Variants in PARVA observed in about 807,000 individuals in gnomAD.
PARVA encodes the protein alpha-parvin.
In PARVA, 25 loss-of-function variants were observed where a neutral mutation model predicts 52.6. That is an observed-to-expected ratio of 0.48 (90% confidence interval 0.35 to 0.66). The LOEUF (loss-of-function observed/expected upper bound fraction) is 0.66. PARVA is among the 30% of genes least tolerant of loss of function. PARVA has a pLI of 0.01. For synonymous variants in PARVA, 185 were observed against 179.1 expected (o/e 1.03, Z -0.26); for missense variants, 373 against 450.9 (o/e 0.83, Z 1.56).
At chr11:12,518,681 C>A (rs1217121483) in intron 12 of PARVA, among the ~76,000 whole-genome samples, 164 bp downstream of exon 12, 1 of 152,172 alleles carries the variant, frequency 6.6e-6, no homozygotes, top group Non-Finnish European at 1.5e-5. Flanking sequence ...TGTGAGCTGC[C>A]AGCTGCACAG....
chr11:12,480,860 T>C (rs1941077349), intron 4 of PARVA: 1 of 150,202 alleles, frequency 6.7e-6, no homozygotes, highest in Non-Finnish European at 1.5e-5. Context: ...GAGGGATCAG[T>C]CTGGAAGCAG....
chr11:12,445,407 C>T (rs1463201047), intron 1 of PARVA, among the ~76,000 whole-genome samples: 1 of 152,132 alleles, frequency 6.6e-6, no homozygotes, highest in African/African-American at 2.4e-5. Flanking sequence ...GCAGGGGAAT[C>T]AGGACATAAA....
chr11:12,470,235 G>A (rs1940915112), intron 1 of PARVA, among the ~76,000 whole-genome samples: 1 of 152,226 alleles, frequency 6.6e-6, no homozygotes, highest in South Asian at 2.1e-4. Flanking sequence ...GGTCTTGACA[G>A]TTTGGATTAT....
intron 1 of PARVA, among the ~76,000 whole-genome samples, chr11:12,417,651 C>G (rs1042678924): frequency 6.6e-6 from 1 of 152,014 alleles, no homozygotes; most frequent in Admixed American, 6.6e-5. Flanking sequence ...CTGAAAAATG[C>G]AAGAGGATTT....
intron 8 of PARVA, among the ~76,000 whole-genome samples, chr11:12,512,762 G>A (rs1395227558): frequency 6.6e-6 from 1 of 152,084 alleles, no homozygotes; most frequent in Non-Finnish European, 1.5e-5. Context: ...ACATTTTATA[G>A]AAGAGGAAAC....
At chr11:12,453,536 C>T (rs1940652995) in intron 1 of PARVA, among the ~76,000 whole-genome samples, 1 of 152,092 alleles carries the variant, frequency 6.6e-6, no homozygotes, top group Admixed American at 6.5e-5. Flanking sequence ...ACTGTAAGAG[C>T]TCCTAATCAG....
chr11:12,484,102 T>G (rs1245992512), intron 4 of PARVA, among the ~76,000 whole-genome samples: 1 of 152,240 alleles, frequency 6.6e-6, no homozygotes, highest in African/African-American at 2.4e-5. Flanking sequence ...TATACAGGTA[T>G]GTCCATGGTC....
chr11:12,391,834 T>C (rs749895357), intron 1 of PARVA, among the ~76,000 whole-genome samples: 4 of 152,192 alleles, frequency 2.6e-5, no homozygotes, highest in East Asian at 1.9e-4. Flanking sequence ...GTCTGATCCA[T>C]TGGGAGGAGT....
At chr11:12,399,479 C>T (rs572879257) in intron 1 of PARVA, among the ~76,000 whole-genome samples, 2 of 152,256 alleles carry the variant, frequency 1.3e-5, no homozygotes, top group African/African-American at 4.8e-5. Flanking sequence ...CCATGGTACA[C>T]CCTCCTGAAT....
upstream of PARVA, chr11:12,377,458 A>C (rs1293003632): frequency 7.1e-7 from 1 of 1,402,686 alleles, no homozygotes; most frequent in Non-Finnish European, 9.2e-7. Flanking sequence ...CTTCCAGGGC[A>C]GAGGGCGGCG....
intron 5 of PARVA, 120 bp from the exon 6 acceptor site, chr11:12,504,194 T>C: frequency 1.6e-6 from 1 of 642,986 alleles, no homozygotes; most frequent in Non-Finnish European, 2.8e-6. Flanking sequence ...AGCATGAGAT[T>C]TGGGCAGGGA....
chr11:12,518,596 AG>A, intron 12 of PARVA, 79 bp downstream of exon 12: 1 of 1,054,024 alleles, frequency 9.5e-7, no homozygotes, highest in Non-Finnish European at 1.5e-6. Flanking sequence ...TTTGTAGCAG[AG>A]GGAAGCATTT....
chr11:12,511,264 G>A (rs1589986475), intron 7 of PARVA, among the ~76,000 whole-genome samples: 1 of 152,174 alleles, frequency 6.6e-6, no homozygotes, highest in South Asian at 2.1e-4. Context: ...GCCAGGCTTT[G>A]CATTACACCA....
intron 1 of PARVA, among the ~76,000 whole-genome samples, chr11:12,386,659 C>G (rs1187769283): frequency 6.6e-6 from 1 of 152,156 alleles, no homozygotes; most frequent in Non-Finnish European, 1.5e-5. Flanking sequence ...TGAAAATAGC[C>G]CACCATTAAC....
At chr11:12,487,851 T>C (rs1941181114) in intron 4 of PARVA, among the ~76,000 whole-genome samples, 1 of 152,204 alleles carries the variant, frequency 6.6e-6, no homozygotes, top group Non-Finnish European at 1.5e-5. Context: ...TTTGTATGCA[T>C]AGAATATTTC....
intron 1 of PARVA, among the ~76,000 whole-genome samples, chr11:12,395,440 C>T (rs1426496915): frequency 6.6e-6 from 1 of 152,032 alleles, no homozygotes; most frequent in African/African-American, 2.4e-5. Context: ...TGGTCAGTGC[C>T]GGGAGAATCG....
rs1473592213 is a variant in PARVA, at chr11:12,535,232, G to A, written c.*7307G>A. Among the ~76,000 whole-genome samples the A allele has an allele frequency of 6.6e-6, 1 of 152,224 alleles. No homozygotes were observed. Among genetic ancestry groups the A allele is most frequent in the Non-Finnish European group, 1.5e-5 (1 of 68,038 alleles). Reference sequence around the variant, plus strand: ...TGTCATTGCCTGTGAGGGAGACCAAGCTCACCACCAAGGGCTTTTGCCAGA... The same window carrying A: ...TGTCATTGCCTGTGAGGGAGACCAAACTCACCACCAAGGGCTTTTGCCAGA... On this transcript the variant is annotated 3_prime_UTR_variant, in exon 13 of 13. Coordinates refer to ENST00000334956, the MANE Select transcript of PARVA (RefSeq NM_018222.5).
intron 6 of PARVA, among the ~76,000 whole-genome samples, chr11:12,508,335 G>A (rs1429255146): frequency 6.6e-6 from 1 of 152,256 alleles, no homozygotes; most frequent in Non-Finnish European, 1.5e-5. Flanking sequence ...ATAAAGAAAG[G>A]AAAGATTCAC....
At chr11:12,458,811 T>G (rs143172517) in intron 1 of PARVA, among the ~76,000 whole-genome samples, 2 of 152,326 alleles carry the variant, frequency 1.3e-5, no homozygotes, top group African/African-American at 4.8e-5. Flanking sequence ...GAGAACTCCC[T>G]GGGGGTAACC....
Sources: allele counts gnomAD v4.1 joint callset (sites outside exome capture counted in the v4.1 genomes callset), GRCh38; gene constraint gnomAD v4.1.1; transcripts MANE v1.5; gene names NCBI Gene and HGNC (gene_info 2026-07-23, HGNC 2026-07-21).